The following MLIP variants were observed in gnomAD, a reference collection of about 807,000 sequenced individuals.
MLIP encodes the protein muscular LMNA interacting protein, also known as muscular LMNA-interacting protein.
Under a neutral mutation model 84.8 loss-of-function variants are expected in MLIP, and 79 were observed. That is an observed-to-expected ratio of 0.93 (90% CI 0.78 to 1.12). The LOEUF is 1.12. Among genes scored for constraint, MLIP ranks in the 50% most tolerant of loss-of-function variants. MLIP has a pLI of 0.00. For missense variants in MLIP, 1,257 were observed against 1,160.6 expected (o/e 1.08, Z -1.21); for synonymous variants, 504 against 463.0 (o/e 1.09, Z -1.14).
intron 12 of MLIP, among the ~76,000 whole-genome samples, chr6:54,234,238 C>G (rs1373403786): frequency 6.6e-6 from 1 of 152,098 alleles, no homozygotes; most frequent in Non-Finnish European, 1.5e-5. Flanking sequence ...TGATATTGGG[C>G]AAGTCATTTA....
chr6:54,042,717 G>A lies in MLIP; in HGVS notation c.63+23626G>A, dbSNP rs1164532845. Among the ~76,000 whole-genome samples, 4 of 152,206 alleles carry A rather than the reference G, an allele frequency of 2.6e-5. No homozygotes were observed. The South Asian group carries it at 6.2e-4, about 24-fold the overall frequency. On this transcript the variant is annotated intron_variant, in intron 1 of 12. Coordinates refer to the MLIP transcript ENST00000274897. ...TGGAGTCATAAGACTATCATCACCA[G>A]GGACAATATACCTAATCTCTCCCTC...
intron 1 of MLIP, among the ~76,000 whole-genome samples, chr6:54,101,748 T>G (rs1331908287): frequency 6.6e-6 from 1 of 152,170 alleles, no homozygotes; most frequent in Non-Finnish European, 1.5e-5. Context: ...CTATCCATAT[T>G]GAAAAGTATG....
At chr6:54,162,849 T>A (rs772181721) in intron 8 of MLIP, among the ~76,000 whole-genome samples, 39 of 152,064 alleles carry the variant, frequency 2.6e-4, no homozygotes, top group South Asian at 6.2e-4. Flanking sequence ...GTGAGCGTCC[T>A]GTACAGAGTT....
chr6:54,219,560 C>T (rs1039508749), intron 11 of MLIP, among the ~76,000 whole-genome samples: 4 of 151,964 alleles, frequency 2.6e-5, no homozygotes, highest in African/African-American at 9.7e-5. Flanking sequence ...TTGTTTAAGG[C>T]TGCTTTTATG....
At chr6:54,052,537 C>A (rs9474717) in intron 1 of MLIP, among the ~76,000 whole-genome samples, 2 of 152,102 alleles carry the variant, frequency 1.3e-5, no homozygotes, top group African/African-American at 2.4e-5. Flanking sequence ...TTTTCTTTTA[C>A]ACAAAATAAC....
intron 8 of MLIP, among the ~76,000 whole-genome samples, chr6:54,163,954 C>G (rs1774916621): frequency 6.6e-6 from 1 of 151,922 alleles, no homozygotes; most frequent in African/African-American, 2.4e-5. Context: ...TGTAGGTACT[C>G]TTTCTTCAAC....
intron 12 of MLIP, among the ~76,000 whole-genome samples, chr6:54,238,065 C>A (rs887429219): frequency 1.3e-5 from 2 of 151,890 alleles, no homozygotes; most frequent in African/African-American, 4.8e-5. Context: ...ATTTTTTTAT[C>A]TTTGAAGGTA....
chr6:54,075,538 C>T (rs2150349512), intron 1 of MLIP, among the ~76,000 whole-genome samples: 1 of 152,220 alleles, frequency 6.6e-6, no homozygotes, highest in Admixed American at 6.5e-5. Flanking sequence ...CGTTGCCTAG[C>T]ACATGGCATT....
intron 4 of MLIP, among the ~76,000 whole-genome samples, chr6:54,139,014 C>A (rs1339377615): frequency 6.6e-6 from 1 of 152,118 alleles, no homozygotes; most frequent in Non-Finnish European, 1.5e-5. Context: ...TGATGAATGT[C>A]ACGTTGAAGG....
At chr6:54,125,877 T>C (rs970395177) in intron 3 of MLIP, among the ~76,000 whole-genome samples, 28 of 152,006 alleles carry the variant, frequency 1.8e-4, no homozygotes, top group African/African-American at 6.0e-4. Context: ...AGCATTGGAG[T>C]TTTGGTGCCA....
intron 1 of MLIP, among the ~76,000 whole-genome samples, chr6:54,035,569 T>C (rs559148542): frequency 3.2e-4 from 48 of 152,224 alleles, no homozygotes; most frequent in African/African-American, 1.2e-3. Flanking sequence ...AGCTGTACCA[T>C]TTTACATTCC....
At chr6:54,059,690 A>G (rs1443396125) in intron 1 of MLIP, among the ~76,000 whole-genome samples, 1 of 152,182 alleles carries the variant, frequency 6.6e-6, no homozygotes, top group Non-Finnish European at 1.5e-5. Flanking sequence ...TGCTGGCCAT[A>G]ATAAATAACA....
At chr6:54,251,735 A>T (rs1416298441) in intron 12 of MLIP, among the ~76,000 whole-genome samples, 2 of 103,052 alleles carry the variant, frequency 1.9e-5, no homozygotes, top group Admixed American at 1.4e-4. Flanking sequence ...ATATGATATA[A>T]ATATATATAA....
rs183652343 is a variant in MLIP at position 54,087,056 on chromosome 6, G to A, written c.64-34391G>A. 5.7e-4 allele frequency among the ~76,000 whole-genome samples: 86 copies of A among 152,172 alleles called. 1 individual carries two copies. Among genetic ancestry groups the A allele is most frequent in the Admixed American group, 1.2e-3 (18 of 15,274 alleles). On this transcript the variant is annotated intron_variant, in intron 1 of 12. Coordinates refer to the MLIP transcript ENST00000274897. Reference sequence around the variant, plus strand: ...TACATGAGGGCAGGGATTTTTTTGTGTTCAGCTCACTGTTGTATCCCCAGG... The same window carrying A: ...TACATGAGGGCAGGGATTTTTTTGTATTCAGCTCACTGTTGTATCCCCAGG...
chr6:54,057,621 A>G (rs1464606575), intron 1 of MLIP, among the ~76,000 whole-genome samples: 2 of 152,202 alleles, frequency 1.3e-5, no homozygotes, highest in East Asian at 1.9e-4. Context: ...GACAAATACT[A>G]ATCGATTTCT....
chr6:54,164,646 A>G (rs1270322451), intron 8 of MLIP, among the ~76,000 whole-genome samples: 2 of 151,966 alleles, frequency 1.3e-5, no homozygotes, highest in African/African-American at 2.4e-5. Context: ...AAGTCCTGAG[A>G]AACCACTTAT....
intron 11 of MLIP, among the ~76,000 whole-genome samples, chr6:54,214,740 A>G (rs927169717): frequency 6.6e-6 from 1 of 152,220 alleles, no homozygotes; most frequent in Non-Finnish European, 1.5e-5. Flanking sequence ...CAGAAACATG[A>G]GGATGGAATT....
intron 11 of MLIP, among the ~76,000 whole-genome samples, chr6:54,214,574 T>C (rs1464557865): frequency 6.6e-6 from 1 of 152,192 alleles, no homozygotes; most frequent in African/African-American, 2.4e-5. Context: ...TGATTAATTA[T>C]GTTCTTTTCC....
At chr6:54,082,174 C>T (rs533851227) in intron 1 of MLIP, among the ~76,000 whole-genome samples, 1 of 152,028 alleles carries the variant, frequency 6.6e-6, no homozygotes, top group East Asian at 1.9e-4. Context: ...ACATATAATT[C>T]TAGGTAATTT....
Sources: allele counts gnomAD v4.1 joint callset (sites outside exome capture counted in the v4.1 genomes callset), GRCh38; gene constraint gnomAD v4.1.1; transcripts MANE v1.5; gene names NCBI Gene and HGNC (gene_info 2026-07-23, HGNC 2026-07-21).